PFKP: variants seen among roughly 807,000 people sequenced by gnomAD.
PFKP encodes the protein ATP-dependent 6-phosphofructokinase, platelet type.
PFKP carries 101 observed loss-of-function variants against 94.3 expected under a neutral mutation model. The observed-to-expected ratio is 1.07, with a 90% CI of 0.91 to 1.26. The LOEUF (loss-of-function observed/expected upper bound fraction) is 1.26. Ranked by LOEUF, PFKP falls within the 50% of genes most tolerant of loss-of-function variation. The pLI, the probability that PFKP is intolerant of heterozygous loss-of-function variation, is 0.00. For synonymous variants in PFKP, 573 were observed against 432.6 expected, an observed-to-expected ratio of 1.32 and a Z score of -4.03; for missense variants, 1,145 against 1,103.3, an observed-to-expected ratio of 1.04 and a Z score of -0.53.
At position 3,124,903 on chromosome 10, in the gene PFKP, G is replaced by A. The variant is rs186027661; in HGVS notation, c.1683+4859G>A. On this transcript the variant is annotated intron_variant, in intron 16 of 21. Transcript: ENST00000381125. ...ATGAGGACCTGGGCTGTGCCCAGGCGGCCCCCTGTGTTGCTGGGGCCTGTG... is the reference window on the plus strand; with the variant it reads ...ATGAGGACCTGGGCTGTGCCCAGGCAGCCCCCTGTGTTGCTGGGGCCTGTG... Among the ~76,000 whole-genome samples, 8 of 152,254 alleles carry A rather than the reference G, an allele frequency of 5.3e-5. No homozygotes were observed. The East Asian group carries it at 5.8e-4, about 11-fold the overall frequency.
Position 3,118,791 on chromosome 10 carries a change from G to A in PFKP, c.1452G>A (p.Pro484=), listed in dbSNP as rs773347676. The A allele has an allele frequency of 5.0e-5, 81 of 1,612,720 alleles. No homozygotes were observed. The highest frequency in any genetic ancestry group is 5.7e-5 in the Non-Finnish European group (67 of 1,179,126). Residue 484 remains proline, a synonymous_variant, in exon 15 of 22, where the codon CCG becomes CCA. Transcript: ENST00000381125. Reference sequence around the variant, plus strand: ...ACGTGGCTATTTTCAGCGTTCTCCCGGGGAAGTACTTGGAAGAGATCGCCA... The same window carrying A: ...ACGTGGCTATTTTCAGCGTTCTCCCAGGGAAGTACTTGGAAGAGATCGCCA... ...GSILGTKRVL[P]GKYLEEIATQ...
At chr10:3,105,734 C>A (rs7917172) in intron 7 of PFKP, among the ~76,000 whole-genome samples, 10 of 152,118 alleles carry the variant, frequency 6.6e-5, no homozygotes, top group Non-Finnish European at 1.2e-4. Flanking sequence ...ACAGAGTGAG[C>A]CTGGTTAGAA....
At chr10:3,132,311 G>A (rs1263402451) in intron 17 of PFKP, 69 bp from the exon 18 acceptor site, 23 of 1,120,208 alleles carry the variant, frequency 2.1e-5, no homozygotes, top group African/African-American at 3.1e-5. Context: ...TTCCCAGCCT[G>A]CAGTGCCTGG....
rs747652655 is a variant in PFKP, at chr10:3,135,718, TTTTAAAATC to T, written c.2123-14_2123-6del. 1 of 1,525,430 alleles carries T rather than the reference TTTTAAAATC, an allele frequency of 6.6e-7. No homozygotes were observed. Among genetic ancestry groups the T allele is most frequent in the East Asian group, 2.3e-5 (1 of 44,326 alleles). The allele number at this position is 1,525,430 out of a possible 1,614,324, so 94.5% of individuals were successfully genotyped here. ...ATGTTGACAGGGTGTTATTAATCTTTTTTAAAATCTTTTATAGGAAAAAAATTTACCACC... is the reference window on the plus strand; with the variant it reads ...ATGTTGACAGGGTGTTATTAATCTTTTTTTATAGGAAAAAAATTTACCACC... On this transcript the variant is annotated splice_polypyrimidine_tract_variant and intron_variant, in intron 20 of 21. Coordinates refer to ENST00000381125, the MANE Select transcript of PFKP (RefSeq NM_002627.5).
chr10:3,121,803 C>CTTTTTTTTTTTT lies in PFKP; in HGVS notation c.1683+1775_1683+1786dup, dbSNP rs759926178. On this transcript the variant is annotated intron_variant, in intron 16 of 21. Transcript: ENST00000381125. Reference sequence around the variant, plus strand: ...TAGGTTAAACAATTTCTTTTTTTTTCTTTTTTTTTTTTTTTTTTTTTTTTT... The same window carrying CTTTTTTTTTTTT: ...TAGGTTAAACAATTTCTTTTTTTTTCTTTTTTTTTTTTTTTTTTTTTTTTTTTTTTTTTTTTT... 5.7e-3 allele frequency among the ~76,000 whole-genome samples: 187 copies of CTTTTTTTTTTTT among 32,604 alleles called. 13 individuals carry two copies. Among genetic ancestry groups the CTTTTTTTTTTTT allele is most frequent in the Middle Eastern group, 0.02 (1 of 50 alleles). 21.4% of individuals were successfully genotyped at this position (32,604 alleles called of 152,430 possible). A position where few individuals can be genotyped will look rare whatever the true frequency, so the allele number is the denominator to read the frequency against.
intron 1 of PFKP, among the ~76,000 whole-genome samples, chr10:3,075,349 C>T (rs182982933): frequency 6.6e-6 from 1 of 151,940 alleles, no homozygotes; most frequent in Non-Finnish European, 1.5e-5. Context: ...TTTTTGTCAG[C>T]GTTTAATAAG....
chr10:3,100,600 T>C (rs1453139057), intron 3 of PFKP, among the ~76,000 whole-genome samples: 3 of 152,164 alleles, frequency 2.0e-5, no homozygotes, highest in Admixed American at 6.5e-5. Flanking sequence ...TCGCCTCCAG[T>C]GCAGAGACAA....
At chr10:3,100,592 G>A (rs1015730522) in intron 3 of PFKP, among the ~76,000 whole-genome samples, 84 of 152,138 alleles carry the variant, frequency 5.5e-4, no homozygotes, top group African/African-American at 1.9e-3. Flanking sequence ...GGAGAGCTTC[G>A]CCTCCAGTGC....
At chr10:3,104,508 G>A (rs775920703) in intron 5 of PFKP, among the ~76,000 whole-genome samples, 7 of 152,352 alleles carry the variant, frequency 4.6e-5, no homozygotes, top group East Asian at 1.9e-4. Flanking sequence ...GAGAGTGCCC[G>A]AATCCAGTCC....
intron 1 of PFKP, among the ~76,000 whole-genome samples, chr10:3,080,292 T>C (rs1205078530): frequency 6.6e-6 from 1 of 151,982 alleles, no homozygotes; most frequent in Non-Finnish European, 1.5e-5. Context: ...CTGAGGCGGA[T>C]GGATCACAAG....
At chr10:3,100,409 ATAAAT>A (rs147594068) in intron 3 of PFKP, among the ~76,000 whole-genome samples, 5,479 of 152,122 alleles carry the variant, frequency 0.036, 261 homozygotes, top group African/African-American at 0.11. Context: ...TAATGTTTTG[ATAAAT>A]TAAATGGTGG....
chr10:3,113,911 A>G (rs908421056), intron 13 of PFKP, among the ~76,000 whole-genome samples: 3 of 152,174 alleles, frequency 2.0e-5, no homozygotes, highest in African/African-American at 7.2e-5. Flanking sequence ...AACCTTAGTG[A>G]ACACAGGTAA....
chr10:3,118,717 TG>T, intron 14 of PFKP, 64 bp from the exon 15 acceptor site: 1 of 1,154,594 alleles, frequency 8.7e-7, no homozygotes, highest in Non-Finnish European at 1.3e-6. Context: ...GGGACCGGCG[TG>T]GCGTCCTGCG....
chr10:3,080,021 G>T (rs893461760), intron 1 of PFKP, among the ~76,000 whole-genome samples: 1 of 152,124 alleles, frequency 6.6e-6, no homozygotes, highest in Non-Finnish European at 1.5e-5. Flanking sequence ...CCTGGGAGGT[G>T]CCAGAGCCGA....
intron 1 of PFKP, among the ~76,000 whole-genome samples, chr10:3,074,281 G>C (rs896157699): frequency 2.6e-5 from 4 of 152,240 alleles, no homozygotes; most frequent in African/African-American, 9.6e-5. Flanking sequence ...CGTGCCTGTA[G>C]CCTGACCTGA....
intron 1 of PFKP, among the ~76,000 whole-genome samples, chr10:3,072,627 CGAAT>C (rs1564256480): frequency 6.6e-6 from 1 of 151,938 alleles, no homozygotes; most frequent in African/African-American, 2.4e-5. Context: ...GTGCCATACT[CGAAT>C]GACCCTTCGA....
rs757462165 is a variant in PFKP at position 3,067,583 on chromosome 10, C to G, written c.-13C>G. The G allele has an allele frequency of 1.4e-6, 2 of 1,443,082 alleles. No homozygotes were observed. Among genetic ancestry groups the G allele is most frequent in the African/African-American group, 1.5e-5 (1 of 68,302 alleles). 89.4% of individuals were successfully genotyped at this position (1,443,082 alleles called of 1,614,324 possible). Reference sequence around the variant, plus strand: ...GCGCACCCGGACGTGCGGCTCCCCTCGGCCTCCTCGCCATGGACGCGGACG... The same window carrying G: ...GCGCACCCGGACGTGCGGCTCCCCTGGGCCTCCTCGCCATGGACGCGGACG... On this transcript the variant is annotated 5_prime_UTR_variant, in exon 1 of 22. Transcript: ENST00000381125.
chr10:3,134,655 T>G (rs928101478), intron 20 of PFKP, 73 bp downstream of exon 20: 6 of 958,586 alleles, frequency 6.3e-6, no homozygotes, highest in East Asian at 2.4e-5. Context: ...TGCTGTCCTA[T>G]CGGGGAGAAG....
intron 2 of PFKP, among the ~76,000 whole-genome samples, chr10:3,091,707 A>G (rs1356164988): frequency 1.3e-5 from 2 of 151,712 alleles, no homozygotes; most frequent in Non-Finnish European, 2.9e-5. Context: ...TGAGGCTTGA[A>G]CTCAGGAGGT....
Sources: allele counts gnomAD v4.1 joint callset (sites outside exome capture counted in the v4.1 genomes callset), GRCh38; gene constraint gnomAD v4.1.1; transcripts MANE v1.5; gene names NCBI Gene and HGNC (gene_info 2026-07-23, HGNC 2026-07-21).